Variants in GPHN observed in about 807,000 individuals in gnomAD.
GPHN encodes the protein gephyrin.
GPHN carries 17 observed loss-of-function variants against 95.5 expected under a neutral mutation model. The observed-to-expected ratio is 0.18, with a 90% confidence interval of 0.12 to 0.27. GPHN has a LOEUF of 0.27. Ranked by LOEUF, GPHN falls within the 10% of genes least tolerant of loss-of-function variation. The pLI is 1.00. For synonymous variants in GPHN, 320 were observed against 322.5 expected, an observed-to-expected ratio of 0.99 and a Z score of 0.08; for missense variants, 660 against 978.1, an observed-to-expected ratio of 0.67 and a Z score of 4.34.
the GPHN span, among the ~76,000 whole-genome samples, chr14:67,216,423 AT>A: frequency 6.6e-6 from 1 of 151,024 alleles, no homozygotes; most frequent in African/African-American, 2.4e-5. Flanking sequence ...TCTGACTTTT[AT>A]TATTTCTTCT....
chr14:66,663,282 C>G (rs117530610), intron 1 of GPHN, among the ~76,000 whole-genome samples: 1 of 152,140 alleles, frequency 6.6e-6, no homozygotes, highest in Non-Finnish European at 1.5e-5. Flanking sequence ...GACCTCTCAG[C>G]GGAAACCCTA....
At chr14:66,585,262 A>G (rs574919574) in intron 1 of GPHN, among the ~76,000 whole-genome samples, 2 of 152,136 alleles carry the variant, frequency 1.3e-5, no homozygotes, top group Admixed American at 6.5e-5. Context: ...TGTCACGTCT[A>G]TTTGATTCTT....
At chr14:67,183,218 T>G (rs1428851094), downstream of GPHN, among the ~76,000 whole-genome samples, 1 of 152,202 alleles carries the variant, frequency 6.6e-6, no homozygotes, top group Non-Finnish European at 1.5e-5. Context: ...GCTTGTCATG[T>G]ATTAAGCTCC....
At chr14:67,183,716 G>A (rs923023228), downstream of GPHN, among the ~76,000 whole-genome samples, 20 of 151,228 alleles carry the variant, frequency 1.3e-4, no homozygotes, top group African/African-American at 4.6e-4. Flanking sequence ...GGCATGCACC[G>A]CCAGGCCCAG....
chr14:66,705,903 G>A (rs956681530), intron 2 of GPHN, among the ~76,000 whole-genome samples: 9 of 152,068 alleles, frequency 5.9e-5, no homozygotes, highest in African/African-American at 2.2e-4. Context: ...ATGATTTTGT[G>A]TTTAGAAAAT....
chr14:66,871,690 T>A (rs185790587), intron 4 of GPHN, among the ~76,000 whole-genome samples: 2 of 151,966 alleles, frequency 1.3e-5, no homozygotes, highest in Admixed American at 1.3e-4. Flanking sequence ...AATCAAACAC[T>A]GCATGTTCTC....
the GPHN span, chr14:67,336,685 G>T: frequency 2.2e-6 from 1 of 455,488 alleles, no homozygotes; most frequent in Non-Finnish European, 4.4e-6. Flanking sequence ...ACTTGTCAAA[G>T]TCTCAATTTC....
chr14:66,977,436 A>C (rs2070329616), intron 9 of GPHN, among the ~76,000 whole-genome samples: 1 of 152,154 alleles, frequency 6.6e-6, no homozygotes, highest in Non-Finnish European at 1.5e-5. Context: ...ATCTCAAAAA[A>C]AAAAAATTAT....
chr14:67,097,863 TAC>T (rs1188717891), intron 12 of GPHN, among the ~76,000 whole-genome samples: 2 of 152,170 alleles, frequency 1.3e-5, no homozygotes, highest in Admixed American at 6.5e-5. Flanking sequence ...GCCAATGATA[TAC>T]ACACACATAT....
At chr14:67,530,224 A>G in the GPHN span, among the ~76,000 whole-genome samples, 7 of 152,374 alleles carry the variant, frequency 4.6e-5, no homozygotes, top group African/African-American at 1.7e-4. Context: ...CACTTGCTGC[A>G]TGCCAGACAA....
the GPHN span, among the ~76,000 whole-genome samples, chr14:67,354,916 C>A: frequency 6.0e-4 from 92 of 152,222 alleles, no homozygotes; most frequent in Admixed American, 1.5e-3. Context: ...CAGGTTCAAG[C>A]GATTCTCCTG....
chr14:66,732,448 G>T (rs2071859016), intron 2 of GPHN, among the ~76,000 whole-genome samples: 1 of 152,196 alleles, frequency 6.6e-6, no homozygotes, highest in Non-Finnish European at 1.5e-5. Flanking sequence ...CTTTGTTTTG[G>T]CCAGTTTCTC....
chr14:67,232,966 AC>A, the GPHN span, among the ~76,000 whole-genome samples: 1 of 152,074 alleles, frequency 6.6e-6, no homozygotes, highest in Non-Finnish European at 1.5e-5. Flanking sequence ...CAAATTTAAA[AC>A]CATTTATATT....
the GPHN span, among the ~76,000 whole-genome samples, chr14:67,521,028 G>A: frequency 1.3e-5 from 2 of 152,308 alleles, no homozygotes; most frequent in Non-Finnish European, 2.9e-5. Context: ...GTATCTCATC[G>A]TTGTTCTCTG....
At chr14:66,685,859 C>G (rs1440116805) in intron 2 of GPHN, among the ~76,000 whole-genome samples, 7 of 152,160 alleles carry the variant, frequency 4.6e-5, no homozygotes, top group Non-Finnish European at 8.8e-5. Flanking sequence ...AGGTTTTCTT[C>G]TAGGGTTTTT....
At chr14:66,545,956 C>T (rs191198589) in intron 1 of GPHN, among the ~76,000 whole-genome samples, 4,584 of 151,380 alleles carry the variant, frequency 0.03, 248 homozygotes, top group African/African-American at 0.1. Context: ...CGGGCGGTGA[C>T]GCTCCTCACT....
At chr14:67,698,823 T>G in the GPHN span, among the ~76,000 whole-genome samples, 4 of 152,222 alleles carry the variant, frequency 2.6e-5, no homozygotes, top group African/African-American at 4.8e-5. Flanking sequence ...TGTTCAAATG[T>G]TACTGTGTTT....
chr14:66,666,662 A>G (rs748019841), intron 1 of GPHN, among the ~76,000 whole-genome samples: 3 of 152,200 alleles, frequency 2.0e-5, no homozygotes, highest in Non-Finnish European at 4.4e-5. Flanking sequence ...ATAGAAGACA[A>G]ACTCACAGCC....
chr14:67,520,391 C>T, the GPHN span, among the ~76,000 whole-genome samples: 1 of 152,228 alleles, frequency 6.6e-6, no homozygotes, highest in Non-Finnish European at 1.5e-5. Flanking sequence ...ACCTGCTCTA[C>T]AGTTTTGCCT....
Sources: gnomAD v4.1 joint callset for allele counts (sites outside exome capture counted in the v4.1 genomes callset) on GRCh38, gnomAD v4.1.1 for gene constraint, MANE v1.5 for transcripts, NCBI Gene and HGNC (gene_info 2026-07-23, HGNC 2026-07-21) for gene names.